CALN1: variants seen among roughly 807,000 people sequenced by gnomAD.
CALN1 encodes the protein calneuron 1, also known as calcium-binding protein 8.
Under a neutral mutation model 30.6 loss-of-function variants are expected in CALN1, and 17 were observed. That is an observed-to-expected ratio of 0.56 (90% confidence interval 0.38 to 0.83). The LOEUF (loss-of-function observed/expected upper bound fraction) is 0.83. CALN1 is among the 40% of genes least tolerant of loss of function. The probability of loss-of-function intolerance (pLI) is 0.00; values close to 1 mark genes in which losing one functional copy is unlikely to be tolerated. For missense variants in CALN1, 291 were observed against 354.9 expected (o/e 0.82, Z 1.45); for synonymous variants, 156 against 131.4 (o/e 1.19, Z -1.28).
intron 5 of CALN1, among the ~76,000 whole-genome samples, chr7:71,812,134 G>A (rs1339636474): frequency 6.6e-6 from 1 of 152,182 alleles, no homozygotes; most frequent in Non-Finnish European, 1.5e-5. Context: ...CCTTCGGGCT[G>A]GGTCTCAGAA....
chr7:72,016,933 A>T (rs561355907), intron 5 of CALN1, among the ~76,000 whole-genome samples: 1 of 149,118 alleles, frequency 6.7e-6, no homozygotes, highest in African/African-American at 2.5e-5. Flanking sequence ...TGAGTGGATC[A>T]CTTGAGGCCA....
Position 72,403,392 on chromosome 7 carries a change from C to CA in CALN1, c.-24dup. On this transcript the variant is annotated 5_prime_UTR_variant, in exon 2 of 7. Transcript: ENST00000395275. ...CATCGGGGGTCCAGGGCGATGTTCT[C>CA]AGAGAGAGTTAGAAGCTCATCAAAG... 6.5e-7 allele frequency: 1 copy of CA among 1,530,874 alleles called. No homozygotes were observed. 94.8% of individuals were successfully genotyped at this position (1,530,874 alleles called of 1,614,324 possible). A position where few individuals can be genotyped will look rare whatever the true frequency, so the allele number is the denominator to read the frequency against.
intron 2 of CALN1, among the ~76,000 whole-genome samples, chr7:72,304,155 G>C (rs1277543434): frequency 6.6e-6 from 1 of 152,258 alleles, no homozygotes; most frequent in Non-Finnish European, 1.5e-5. Flanking sequence ...CAAAGGTATG[G>C]TTTCAAGTTA....
At chr7:72,329,249 C>T (rs1194956698) in intron 2 of CALN1, among the ~76,000 whole-genome samples, 2 of 152,246 alleles carry the variant, frequency 1.3e-5, no homozygotes, top group Non-Finnish European at 2.9e-5. Context: ...AGCATTTTCT[C>T]TCCATCTGTT....
chr7:72,386,830 G>A (rs1168796685), intron 2 of CALN1, among the ~76,000 whole-genome samples: 2 of 152,060 alleles, frequency 1.3e-5, no homozygotes, highest in African/African-American at 4.8e-5. Context: ...AAGGGGTCTT[G>A]TCACCTTGCC....
chr7:72,431,437 C>T (rs574498860), intron 1 of CALN1, among the ~76,000 whole-genome samples: 19 of 152,302 alleles, frequency 1.2e-4, no homozygotes, highest in East Asian at 5.8e-4. Context: ...CATGCACACA[C>T]GCATGCACAA....
chr7:71,915,044 C>A (rs1584502410), intron 5 of CALN1, among the ~76,000 whole-genome samples: 2 of 152,332 alleles, frequency 1.3e-5, no homozygotes, highest in South Asian at 2.1e-4. Context: ...GGTACACAAA[C>A]ACTTCCTGTG....
chr7:72,158,251 A>T (rs1219558377), intron 3 of CALN1, among the ~76,000 whole-genome samples: 2 of 152,228 alleles, frequency 1.3e-5, no homozygotes, highest in Non-Finnish European at 2.9e-5. Context: ...CACATAAATT[A>T]ATACAATAAT....
chr7:71,916,461 C>T (rs1313895759), intron 5 of CALN1, among the ~76,000 whole-genome samples: 1 of 151,862 alleles, frequency 6.6e-6, no homozygotes, highest in South Asian at 2.1e-4. Context: ...AAATGTGGTA[C>T]ACATACACCA....
At chr7:71,868,321 G>A (rs1194222298) in intron 5 of CALN1, among the ~76,000 whole-genome samples, 6 of 151,800 alleles carry the variant, frequency 4.0e-5, no homozygotes, top group Non-Finnish European at 5.9e-5. Flanking sequence ...AAGGGCAAGC[G>A]AGACGTCTCA....
chr7:71,853,580 A>AT (rs893799210), intron 5 of CALN1, among the ~76,000 whole-genome samples: 102 of 139,356 alleles, frequency 7.3e-4, no homozygotes, highest in East Asian at 1.7e-3. Context: ...TGAAATTTTA[A>AT]TTTTTTTTTT....
intron 5 of CALN1, among the ~76,000 whole-genome samples, chr7:71,958,888 CAG>C (rs1389022413): frequency 6.6e-6 from 1 of 152,196 alleles, no homozygotes; most frequent in Admixed American, 6.5e-5. Context: ...AGACATTGCC[CAG>C]AGTTCTTTCT....
At chr7:72,312,487 A>C (rs1800122586) in intron 2 of CALN1, among the ~76,000 whole-genome samples, 1 of 151,764 alleles carries the variant, frequency 6.6e-6, no homozygotes, top group Non-Finnish European at 1.5e-5. Context: ...CATGTGCCCC[A>C]GGACAGACAG....
intron 2 of CALN1, among the ~76,000 whole-genome samples, chr7:72,339,855 T>C (rs1802300480): frequency 6.6e-6 from 1 of 152,180 alleles, no homozygotes; most frequent in Non-Finnish European, 1.5e-5. Context: ...GTGCCCATGA[T>C]TCAATTTCCT....
intron 6 of CALN1, among the ~76,000 whole-genome samples, chr7:71,799,421 TTTTATTTA>T (rs57965086): frequency 0.019 from 2,682 of 144,704 alleles, 73 homozygotes; most frequent in East Asian, 0.065. Context: ...CTCTGGGTCT[TTTTATTTA>T]TTTATTTATT....
chr7:72,399,743 G>A (rs1375608187), intron 2 of CALN1, among the ~76,000 whole-genome samples: 4 of 152,154 alleles, frequency 2.6e-5, no homozygotes, highest in East Asian at 1.9e-4. Context: ...GAACTGGAGG[G>A]ATATAGCTTG....
At chr7:72,085,355 A>C (rs1057496977) in intron 4 of CALN1, among the ~76,000 whole-genome samples, 1 of 152,198 alleles carries the variant, frequency 6.6e-6, no homozygotes, top group East Asian at 1.9e-4. Flanking sequence ...CAGTATAATA[A>C]GATATGTTGA....
intron 2 of CALN1, among the ~76,000 whole-genome samples, chr7:72,347,725 C>T (rs1802720219): frequency 1.3e-5 from 2 of 152,188 alleles, no homozygotes; most frequent in South Asian, 4.1e-4. Flanking sequence ...AAGAAAATAG[C>T]TATCCACTAA....
chr7:72,398,231 G>T (rs1357948979), intron 2 of CALN1, among the ~76,000 whole-genome samples: 1 of 152,188 alleles, frequency 6.6e-6, no homozygotes, highest in Non-Finnish European at 1.5e-5. Context: ...TCACTGTGCA[G>T]GACCTTCCGT....
Sources: gnomAD v4.1 joint callset for allele counts (sites outside exome capture counted in the v4.1 genomes callset) on GRCh38, gnomAD v4.1.1 for gene constraint, MANE v1.5 for transcripts, NCBI Gene and HGNC (gene_info 2026-07-23, HGNC 2026-07-21) for gene names.